Variants in CRPPA observed in about 807,000 individuals in gnomAD.
The protein encoded by CRPPA is D-ribitol-5-phosphate cytidylyltransferase.
A neutral mutation model predicts 52.0 loss-of-function variants in CRPPA; 43 were observed. The ratio of observed to expected loss-of-function variants is 0.83; its 90% CI spans 0.65 to 1.07. The LOEUF (loss-of-function observed/expected upper bound fraction) is 1.07, where lower values mean the gene tolerates loss of function less well. Among genes scored for constraint, CRPPA ranks in the 50% least tolerant of loss-of-function variants. The pLI is 0.00. For synonymous variants in CRPPA, 250 were observed against 203.5 expected, an observed-to-expected ratio of 1.23 and a Z score of -1.94; for missense variants, 629 against 551.7, an observed-to-expected ratio of 1.14 and a Z score of -1.40.
chr7:16,421,193 G>C lies in CRPPA; in HGVS notation c.130C>G (p.Pro44Ala). 1 of 1,342,290 alleles carries C rather than the reference G, an allele frequency of 7.4e-7. No homozygotes were observed. The allele number at this position is 1,342,290 out of a possible 1,614,324, so 83.1% of individuals were successfully genotyped here. ...SVAGTEPGRHPQAVAAVLPAG... is the reference protein window; with the variant it reads ...SVAGTEPGRHAQAVAAVLPAG... ...GGCAACACAGCTGCCACGGCTTGCGGGTGGCGCCCGGGCTCGGTCCCGGCC... is the reference window on the plus strand; with the variant it reads ...GGCAACACAGCTGCCACGGCTTGCGCGTGGCGCCCGGGCTCGGTCCCGGCC... Residue 44 changes from proline to alanine, a missense_variant, in exon 1 of 10, where the codon CCG becomes GCG. Transcript: ENST00000407010.
At chr7:16,190,800 T>C (rs913859599) in intron 9 of CRPPA, among the ~76,000 whole-genome samples, 9 of 152,088 alleles carry the variant, frequency 5.9e-5, no homozygotes, top group African/African-American at 1.9e-4. Flanking sequence ...CCGAAATCCA[T>C]TGTATGATTC....
intron 9 of CRPPA, among the ~76,000 whole-genome samples, chr7:16,183,812 G>C (rs1781455585): frequency 6.6e-6 from 1 of 152,092 alleles, no homozygotes; most frequent in South Asian, 2.1e-4. Flanking sequence ...GTTAGGTTTG[G>C]TCTTTTCCCT....
At chr7:16,318,041 C>T (rs956692527) in intron 3 of CRPPA, among the ~76,000 whole-genome samples, 5 of 152,172 alleles carry the variant, frequency 3.3e-5, no homozygotes, top group Non-Finnish European at 7.3e-5. Flanking sequence ...CTGGAATTTT[C>T]ATTGTCAACA....
intron 8 of CRPPA, among the ~76,000 whole-genome samples, chr7:16,218,767 T>C (rs1221477080): frequency 2.3e-5 from 3 of 132,556 alleles, no homozygotes; most frequent in African/African-American, 5.9e-5. Context: ...ATGCACCCAA[T>C]ACAGGAGCAC....
At chr7:16,308,890 A>T (rs912488358) in intron 3 of CRPPA, among the ~76,000 whole-genome samples, 1 of 151,478 alleles carries the variant, frequency 6.6e-6, no homozygotes, top group African/African-American at 2.4e-5. Context: ...CAGTAGTTCT[A>T]GGCGTAAAAA....
intron 3 of CRPPA, among the ~76,000 whole-genome samples, chr7:16,345,440 T>C (rs1562644732): frequency 6.6e-6 from 1 of 152,102 alleles, no homozygotes; most frequent in Non-Finnish European, 1.5e-5. Context: ...CATATACAAA[T>C]AAGTAAATAT....
chr7:16,362,152 C>T lies in CRPPA; in HGVS notation c.684+13940G>A, dbSNP rs114970450. ...TACAGGCGTGAGCCACCGCGCTCGG[C>T]CTACAAAATAACTTTTTAAAAGAGT... On this transcript the variant is annotated intron_variant, in intron 3 of 9. Transcript: ENST00000407010. 5.8e-3 allele frequency among the ~76,000 whole-genome samples: 891 copies of T among 152,324 alleles called. 8 individuals are homozygous for T. The highest frequency in any genetic ancestry group is 0.02 in the African/African-American group (825 of 41,566).
intron 5 of CRPPA, among the ~76,000 whole-genome samples, chr7:16,287,252 A>G (rs1284540992): frequency 6.6e-6 from 1 of 152,198 alleles, no homozygotes; most frequent in Non-Finnish European, 1.5e-5. Context: ...GCATCCTGAA[A>G]GATTTTTTTC....
At chr7:16,252,870 T>C (rs1411627903) in intron 8 of CRPPA, among the ~76,000 whole-genome samples, 2 of 152,218 alleles carry the variant, frequency 1.3e-5, no homozygotes, top group Non-Finnish European at 2.9e-5. Flanking sequence ...CCATTCCTTC[T>C]AGTTTTGTAG....
At chr7:16,121,512 T>C (rs1204262776) in intron 9 of CRPPA, among the ~76,000 whole-genome samples, 1 of 152,048 alleles carries the variant, frequency 6.6e-6, no homozygotes, top group Non-Finnish European at 1.5e-5. Flanking sequence ...AACTTGAAAA[T>C]TGGGACACTA....
intron 9 of CRPPA, among the ~76,000 whole-genome samples, chr7:16,163,167 G>A (rs1371639651): frequency 1.3e-5 from 2 of 151,410 alleles, no homozygotes; most frequent in African/African-American, 4.9e-5. Context: ...GTAGAGACAG[G>A]GTTTCACCAT....
rs1274548166 is a variant in CRPPA, at chr7:16,421,398, T to A, written c.-76A>T. 2.6e-5 allele frequency: 31 copies of A among 1,199,004 alleles called. No individual in the cohort carries two copies. The highest frequency in any genetic ancestry group is 3.0e-5 in the Non-Finnish European group (29 of 964,740). 74.3% of individuals were successfully genotyped at this position (1,199,004 alleles called of 1,614,324 possible). Reference sequence around the variant, plus strand: ...GCGCTGCTCCCACCCTCGGCCGGGGTCGCGGGGCGAAGGGCAGACCACGGA... The same window carrying A: ...GCGCTGCTCCCACCCTCGGCCGGGGACGCGGGGCGAAGGGCAGACCACGGA... On this transcript the variant is annotated 5_prime_UTR_variant, in exon 1 of 10. Transcript: ENST00000407010.
chr7:16,393,469 T>G (rs554747946), intron 2 of CRPPA, among the ~76,000 whole-genome samples: 3 of 152,066 alleles, frequency 2.0e-5, no homozygotes, highest in Non-Finnish European at 4.4e-5. Context: ...GAAGTGGCAG[T>G]GCAGGTCAGT....
At chr7:16,146,310 T>C (rs1782974313) in intron 9 of CRPPA, among the ~76,000 whole-genome samples, 1 of 152,052 alleles carries the variant, frequency 6.6e-6, no homozygotes, top group Non-Finnish European at 1.5e-5. Context: ...TCTTTATTTG[T>C]TCTTTCCAGA....
intron 3 of CRPPA, among the ~76,000 whole-genome samples, chr7:16,346,700 T>C (rs1238120542): frequency 6.6e-6 from 1 of 152,168 alleles, no homozygotes; most frequent in Non-Finnish European, 1.5e-5. Context: ...TGTACTAATG[T>C]TTGGCTTTGT....
chr7:16,131,846 G>C (rs1782687026), intron 9 of CRPPA, among the ~76,000 whole-genome samples: 1 of 152,194 alleles, frequency 6.6e-6, no homozygotes, highest in Admixed American at 6.5e-5. Context: ...CTCTCAAAGT[G>C]CAGGTGTGAG....
At chr7:16,389,913 C>CAAAAAAAAAAAA (rs1163092089) in intron 2 of CRPPA, among the ~76,000 whole-genome samples, 321 of 34,218 alleles carry the variant, frequency 9.4e-3, no homozygotes, top group Non-Finnish European at 0.011. Flanking sequence ...GCCTAGTATA[C>CAAAAAAAAAAAA]AAAAAAAAAA....
chr7:16,209,285 T>TTTTTTTTTTTTTTTTTTTTTC (rs1782062975), intron 9 of CRPPA: 1 of 202,956 alleles, frequency 4.9e-6, no homozygotes, highest in Non-Finnish European at 1.0e-5. Flanking sequence ...TTTTTTTTTT[T>TTTTTTTTTTTTTTTTTTTTTC]TTTTTGAGAC....
At chr7:16,350,144 C>A (rs575374965) in intron 3 of CRPPA, among the ~76,000 whole-genome samples, 2 of 151,762 alleles carry the variant, frequency 1.3e-5, no homozygotes, top group African/African-American at 4.8e-5. Flanking sequence ...GAATAGAATA[C>A]CCAGGAAGCC....
Sources: gnomAD v4.1 joint callset for allele counts (sites outside exome capture counted in the v4.1 genomes callset) on GRCh38, gnomAD v4.1.1 for gene constraint, MANE v1.5 for transcripts, NCBI Gene and HGNC (gene_info 2026-07-23, HGNC 2026-07-21) for gene names.